Variants in MYO3A observed in about 807,000 individuals in gnomAD.
The protein encoded by MYO3A is myosin IIIA.
MYO3A carries 180 observed loss-of-function variants against 192.7 expected under a neutral mutation model. The observed-to-expected ratio is 0.93, with a 90% CI of 0.83 to 1.06. The LOEUF (loss-of-function observed/expected upper bound fraction) is 1.06. Ranked by LOEUF, MYO3A falls within the 50% of genes least tolerant of loss-of-function variation. MYO3A has a pLI of 0.00. For missense variants in MYO3A, 1,896 were observed against 1,905.0 expected, an observed-to-expected ratio of 1.00 and a Z score of 0.09; for synonymous variants, 628 against 645.3, an observed-to-expected ratio of 0.97 and a Z score of 0.41.
chr10:26,022,985 G>A lies in MYO3A; in HGVS notation c.732-1037G>A, dbSNP rs371291782. ...AATCTGAAAAGCTACCCAGTTCTGA[G>A]TGTTCTGAAATAATCCAAACTTTGT... On this transcript the variant is annotated intron_variant, in intron 8 of 34. Transcript: ENST00000642920. 2.6e-5 allele frequency: 4 copies of A among 152,304 alleles called. No individual in the cohort carries two copies. In the East Asian group the frequency reaches 7.7e-4, roughly 29 times the overall value. 9.4% of individuals were successfully genotyped at this position (152,304 alleles called of 1,614,324 possible).
chr10:26,078,173 T>A (rs1245965405), intron 14 of MYO3A, among the ~76,000 whole-genome samples: 2 of 151,464 alleles, frequency 1.3e-5, no homozygotes, highest in African/African-American at 4.8e-5. Context: ...AATTTCAATC[T>A]TGCTGCTTGT....
At chr10:26,150,139 A>G (rs958114109) in intron 23 of MYO3A, among the ~76,000 whole-genome samples, 6 of 152,098 alleles carry the variant, frequency 3.9e-5, no homozygotes, top group African/African-American at 1.2e-4. Flanking sequence ...ACAATGCTGT[A>G]TCTGTTAAAT....
chr10:26,042,314 T>C (rs1002084984), intron 10 of MYO3A, among the ~76,000 whole-genome samples: 1 of 152,160 alleles, frequency 6.6e-6, no homozygotes, highest in Non-Finnish European at 1.5e-5. Context: ...TCAGATTAAA[T>C]CTGCTTGGCA....
At chr10:26,142,437 T>C (rs1564590348) in intron 20 of MYO3A, among the ~76,000 whole-genome samples, 1 of 152,226 alleles carries the variant, frequency 6.6e-6, no homozygotes, top group Admixed American at 6.5e-5. Flanking sequence ...TTTTGTAAAG[T>C]AGATCATAGG....
In MYO3A at chr10:26,174,543, A is replaced by AT; in HGVS notation, c.4285dup (p.Ser1429PhefsTer9). On this transcript the variant is annotated frameshift_variant, in exon 30 of 35. Transcript: ENST00000642920. LOFTEE classifies it high-confidence loss of function. ...AGAAAGAGAAGCATGTGGTTTGGCAATTTTTTCAAAACAGGTATGTGAATA... is the reference window on the plus strand; with the variant it reads ...AGAAAGAGAAGCATGTGGTTTGGCAATTTTTTTCAAAACAGGTATGTGAATA... 6.2e-7 allele frequency: 1 copy of AT among 1,613,762 alleles called. No individual in the cohort carries two copies. Among genetic ancestry groups the AT allele is most frequent in the Non-Finnish European group, 8.5e-7 (1 of 1,179,936 alleles).
At chr10:26,024,402 G>T (rs1564470291) in intron 9 of MYO3A, among the ~76,000 whole-genome samples, 1 of 152,136 alleles carries the variant, frequency 6.6e-6, no homozygotes, top group Non-Finnish European at 1.5e-5. Context: ...CATACCATTA[G>T]GTTTCGCTTC....
intron 17 of MYO3A, among the ~76,000 whole-genome samples, chr10:26,100,826 A>C (rs1336617583): frequency 6.6e-6 from 1 of 152,184 alleles, no homozygotes; most frequent in Non-Finnish European, 1.5e-5. Context: ...CTATGTGGTC[A>C]ATTTTGGAAT....
intron 12 of MYO3A, among the ~76,000 whole-genome samples, chr10:26,069,661 G>T (rs1460895980): frequency 1.3e-5 from 2 of 151,982 alleles, no homozygotes; most frequent in African/African-American, 4.8e-5. Flanking sequence ...TCAATTCACT[G>T]TGTGATCTTG....
intron 6 of MYO3A, among the ~76,000 whole-genome samples, chr10:26,001,382 GGGGT>G (rs141637364): frequency 0.075 from 10,980 of 146,750 alleles, 591 homozygotes; most frequent in African/African-American, 0.16. Context: ...GAAGATAAGG[GGGGT>G]GGGTGTACAG....
At chr10:26,002,678 G>GATAATCGGAATGAGTCAGGGTGGAC (rs1564448527) in intron 6 of MYO3A, among the ~76,000 whole-genome samples, 9 of 129,702 alleles carry the variant, frequency 6.9e-5, no homozygotes, top group African/African-American at 3.3e-4. Context: ...TCAGGGTGGA[G>GATAATCGGAATGAGTCAGGGTGGAC]CAGGTGATTG....
At chr10:26,027,720 A>G (rs1842620028) in intron 10 of MYO3A, among the ~76,000 whole-genome samples, 1 of 152,206 alleles carries the variant, frequency 6.6e-6, no homozygotes, top group African/African-American at 2.4e-5. Flanking sequence ...CTTTCACTGA[A>G]TAGTGAATAT....
chr10:26,053,109 A>G (rs1489772849), intron 10 of MYO3A, among the ~76,000 whole-genome samples: 2 of 152,180 alleles, frequency 1.3e-5, no homozygotes, highest in African/African-American at 4.8e-5. Context: ...TGGGAAAGTA[A>G]CAAGAATGGA....
intron 10 of MYO3A, among the ~76,000 whole-genome samples, chr10:26,050,776 T>C (rs995233307): frequency 2.0e-5 from 3 of 147,572 alleles, no homozygotes; most frequent in Admixed American, 1.3e-4. Flanking sequence ...TCCAGACATC[T>C]GATTCCTTTT....
chr10:25,998,676 A>T (rs139847385), intron 6 of MYO3A, among the ~76,000 whole-genome samples: 269 of 152,236 alleles, frequency 1.8e-3, no homozygotes, highest in African/African-American at 6.4e-3. Flanking sequence ...TTAACTTGGG[A>T]TCTCACAATT....
intron 10 of MYO3A, among the ~76,000 whole-genome samples, chr10:26,043,813 G>A (rs180908256): frequency 6.6e-6 from 1 of 152,306 alleles, no homozygotes; most frequent in African/African-American, 2.4e-5. Context: ...GTATGCCCCT[G>A]TGGCAAAGCT....
intron 10 of MYO3A, among the ~76,000 whole-genome samples, chr10:26,039,482 T>C (rs1325776150): frequency 6.6e-6 from 1 of 152,094 alleles, no homozygotes; most frequent in Non-Finnish European, 1.5e-5. Flanking sequence ...TTTAAATGTT[T>C]GGTAGGAGTC....
At chr10:25,958,465 A>G (rs1193262577) in intron 4 of MYO3A, among the ~76,000 whole-genome samples, 1 of 151,916 alleles carries the variant, frequency 6.6e-6, no homozygotes. Flanking sequence ...TGTTTTTGAA[A>G]CAGTACCATG....
chr10:25,975,524 T>A (rs898714499), intron 4 of MYO3A, among the ~76,000 whole-genome samples: 2 of 152,012 alleles, frequency 1.3e-5, no homozygotes, highest in Non-Finnish European at 2.9e-5. Flanking sequence ...TTCTCTAGGG[T>A]CTACTTGGCC....
chr10:25,997,294 A>T lies in MYO3A; in HGVS notation c.508+36A>T, dbSNP rs75002566. On this transcript the variant is annotated intron_variant, in intron 6 of 34. Coordinates refer to ENST00000642920, the MANE Select transcript of MYO3A (RefSeq NM_017433.5). The stretch of plus-strand genomic sequence containing the variant: ...TTTAAAATGCATGAGTTTTAACTCC[A>T]TAATGAACTAGTATGATATGATTTG... 2.4e-3 allele frequency: 3,338 copies of T among 1,379,868 alleles called. 57 individuals are homozygous for T. The African/African-American group carries it at 0.038, about 16-fold the overall frequency. The allele number at this position is 1,379,868 out of a possible 1,614,324, so 85.5% of individuals were successfully genotyped here. A position where few individuals can be genotyped will look rare whatever the true frequency, so the allele number is the denominator to read the frequency against.
Sources: gnomAD v4.1 joint callset for allele counts (sites outside exome capture counted in the v4.1 genomes callset) on GRCh38, gnomAD v4.1.1 for gene constraint, MANE v1.5 for transcripts, NCBI Gene and HGNC (gene_info 2026-07-23, HGNC 2026-07-21) for gene names.